The following RIMS2 variants were observed in gnomAD, a reference collection of about 807,000 sequenced individuals.
RIMS2 encodes the protein regulating synaptic membrane exocytosis protein 2.
Under a neutral mutation model 174.4 loss-of-function variants are expected in RIMS2, and 59 were observed. The observed-to-expected ratio is 0.34, with a 90% CI of 0.27 to 0.42. RIMS2 has a LOEUF of 0.42. RIMS2 is among the 10% of genes least tolerant of loss of function. The probability of loss-of-function intolerance (pLI) is 1.00; values close to 1 mark genes in which losing one functional copy is unlikely to be tolerated. For missense variants in RIMS2, 1,620 were observed against 1,666.3 expected (o/e 0.97, Z 0.48); for synonymous variants, 606 against 572.5 (o/e 1.06, Z -0.84).
At chr8:104,059,923 CTTGGTCATGGTGGATAAGCTTT>C (rs1426466953) in intron 19 of RIMS2, among the ~76,000 whole-genome samples, 7 of 152,128 alleles carry the variant, frequency 4.6e-5, no homozygotes, top group Non-Finnish European at 7.4e-5. Flanking sequence ...ATGAATCCCA[CTTGGTCATGGTGGATAAGCTTT>C]TTGATGTGCT....
intron 3 of RIMS2, among the ~76,000 whole-genome samples, chr8:103,875,107 AAAG>A (rs1267033855): frequency 2.0e-5 from 3 of 152,072 alleles, no homozygotes; most frequent in African/African-American, 7.2e-5. Flanking sequence ...GAATTATTAA[AAAG>A]AGATTAAATT....
intron 19 of RIMS2, among the ~76,000 whole-genome samples, chr8:104,241,012 A>G (rs1311037046): frequency 1.3e-5 from 2 of 152,102 alleles, no homozygotes; most frequent in African/African-American, 2.4e-5. Context: ...TAACTTGCTC[A>G]GTGTCATCCA....
At chr8:104,213,865 G>A (rs1463728089) in intron 19 of RIMS2, among the ~76,000 whole-genome samples, 1 of 144,268 alleles carries the variant, frequency 6.9e-6, no homozygotes, top group Admixed American at 7.0e-5. Context: ...GACAGAGCGA[G>A]ACTCTGCCTC....
At chr8:103,703,240 T>G (rs185780529) in intron 2 of RIMS2, among the ~76,000 whole-genome samples, 39 of 152,144 alleles carry the variant, frequency 2.6e-4, no homozygotes, top group African/African-American at 8.9e-4. Flanking sequence ...TTTGTTTGTT[T>G]GTTTGTTTTG....
intron 19 of RIMS2, among the ~76,000 whole-genome samples, chr8:104,139,089 T>C (rs1461469105): frequency 6.6e-6 from 1 of 152,148 alleles, no homozygotes. Flanking sequence ...TGTCTGAATT[T>C]GTTTCTGGGA....
At chr8:103,885,797 C>A (rs770852995) in exon 4 of RIMS2, 1 of 1,612,708 alleles carries the variant, frequency 6.2e-7, no homozygotes, top group South Asian at 1.1e-5. Flanking sequence ...TATATCAGAA[C>A]GTAGAGCTGC....
intron 19 of RIMS2, among the ~76,000 whole-genome samples, chr8:104,196,866 TA>T (rs565142257): frequency 6.6e-6 from 1 of 152,176 alleles, no homozygotes; most frequent in Non-Finnish European, 1.5e-5. Context: ...AGGCATACTT[TA>T]AAAAACATAA....
At chr8:103,665,608 C>T (rs1343631721) in intron 1 of RIMS2, among the ~76,000 whole-genome samples, 7 of 152,216 alleles carry the variant, frequency 4.6e-5, no homozygotes, top group Non-Finnish European at 7.3e-5. Flanking sequence ...TGTGATGTTA[C>T]AATCTTAATT....
At chr8:103,918,942 TAATTACATTTA>T (rs2077106704) in intron 9 of RIMS2, among the ~76,000 whole-genome samples, 1 of 152,214 alleles carries the variant, frequency 6.6e-6, no homozygotes, top group African/African-American at 2.4e-5. Flanking sequence ...AACTAGTGAA[TAATTACATTTA>T]TTCTAATTTC....
chr8:103,623,361 G>T (rs902424800), intron 1 of RIMS2, among the ~76,000 whole-genome samples: 6 of 150,550 alleles, frequency 4.0e-5, no homozygotes, highest in Admixed American at 6.6e-5. Flanking sequence ...TTTTTTATAT[G>T]TTTGAAATAT....
chr8:103,519,532 T>C (rs927641907), intron 1 of RIMS2, among the ~76,000 whole-genome samples: 2 of 152,090 alleles, frequency 1.3e-5, no homozygotes, highest in African/African-American at 4.8e-5. Flanking sequence ...TACCCCACAA[T>C]TCTCATTTAT....
chr8:103,510,676 C>G (rs975268803), intron 1 of RIMS2, among the ~76,000 whole-genome samples: 5 of 152,136 alleles, frequency 3.3e-5, no homozygotes, highest in African/African-American at 1.2e-4. Context: ...GATGCCGTCT[C>G]TCTGACCTTT....
Position 103,512,380 on chromosome 8 carries a change from A to T in RIMS2, c.176+11318A>T, listed in dbSNP as rs77890635. 7.1e-3 allele frequency among the ~76,000 whole-genome samples: 1,082 copies of T among 152,250 alleles called. 21 individuals carry two copies. Among genetic ancestry groups the T allele is most frequent in the African/African-American group, 0.025 (1,021 of 41,564 alleles). On this transcript the variant is annotated intron_variant, in intron 1 of 23. Transcript: ENST00000504942. ...AGGCTATGTTATCCCCAATATTCGT[A>T]TCTTAAAACAACAAAGGTTTATTTC...
rs184660335 is a variant in RIMS2 at position 104,112,832 on chromosome 8, G to A, written c.3334+98217G>A. Reference sequence around the variant, plus strand: ...AGCAAATACCTGTTGAAGGATGAATGAGTCCCTATTTCAGTCGTTTTTAAA... The same window carrying A: ...AGCAAATACCTGTTGAAGGATGAATAAGTCCCTATTTCAGTCGTTTTTAAA... On this transcript the variant is annotated intron_variant, in intron 19 of 23. Coordinates refer to ENST00000504942, the Ensembl canonical transcript of RIMS2. 1.9e-3 allele frequency among the ~76,000 whole-genome samples: 284 copies of A among 152,238 alleles called. 2 individuals carry two copies. The highest frequency in any genetic ancestry group is 6.5e-3 in the African/African-American group (271 of 41,550).
chr8:104,097,631 A>G (rs1331692741), intron 19 of RIMS2, among the ~76,000 whole-genome samples: 1 of 151,454 alleles, frequency 6.6e-6, no homozygotes, highest in Non-Finnish European at 1.5e-5. Context: ...AAAAACAATG[A>G]CAAGCTTTCA....
At chr8:103,701,338 T>A (rs2097164447) in intron 2 of RIMS2, among the ~76,000 whole-genome samples, 1 of 152,156 alleles carries the variant, frequency 6.6e-6, no homozygotes, top group Non-Finnish European at 1.5e-5. Flanking sequence ...GTATATGTGA[T>A]AATGATAACA....
chr8:103,804,197 T>C (rs2098634714), intron 3 of RIMS2, among the ~76,000 whole-genome samples: 1 of 152,206 alleles, frequency 6.6e-6, no homozygotes, highest in Admixed American at 6.5e-5. Context: ...GAAGACAGCT[T>C]CTGTATTCAA....
At chr8:103,637,335 T>C (rs1336983287) in intron 1 of RIMS2, among the ~76,000 whole-genome samples, 2 of 152,230 alleles carry the variant, frequency 1.3e-5, no homozygotes, top group African/African-American at 2.4e-5. Context: ...TGCATCTGTG[T>C]TCATTAAGGA....
chr8:104,111,542 G>A (rs140386685), intron 19 of RIMS2, among the ~76,000 whole-genome samples: 2,629 of 152,188 alleles, frequency 0.017, 127 homozygotes, highest in East Asian at 0.15. Flanking sequence ...CCAGTAGCTG[G>A]GACTACAGGT....
Sources: allele counts gnomAD v4.1 joint callset (sites outside exome capture counted in the v4.1 genomes callset), GRCh38; gene constraint gnomAD v4.1.1; transcripts MANE v1.5; gene names NCBI Gene and HGNC (gene_info 2026-07-23, HGNC 2026-07-21).